PTPRD: variants seen among roughly 807,000 people sequenced by gnomAD.
The protein encoded by PTPRD is protein tyrosine phosphatase receptor type D.
Under a neutral mutation model 214.5 loss-of-function variants are expected in PTPRD, and 34 were observed. The observed-to-expected ratio is 0.16, with a 90% CI of 0.12 to 0.21. The LOEUF is 0.21. Among genes scored for constraint, PTPRD ranks in the 10% least tolerant of loss-of-function variants. The pLI is 1.00. For synonymous variants in PTPRD, 1,128 were observed against 845.7 expected (o/e 1.33, Z -5.79); for missense variants, 2,545 against 2,398.7 (o/e 1.06, Z -1.27).
chr9:10,512,591 G>T (rs1178635924), intron 2 of PTPRD, among the ~76,000 whole-genome samples: 1 of 152,102 alleles, frequency 6.6e-6, no homozygotes, highest in Non-Finnish European at 1.5e-5. Context: ...GAACGCACAA[G>T]TACCTTCATT....
At chr9:9,716,697 G>A (rs2097841484) in intron 7 of PTPRD, among the ~76,000 whole-genome samples, 1 of 152,014 alleles carries the variant, frequency 6.6e-6, no homozygotes. Context: ...TTTTTGATGG[G>A]GTTGTTTTTT....
intron 7 of PTPRD, among the ~76,000 whole-genome samples, chr9:9,613,993 CAAT>C (rs1431061605): frequency 6.6e-6 from 1 of 152,126 alleles, no homozygotes; most frequent in Non-Finnish European, 1.5e-5. Context: ...CGGTCCTCAT[CAAT>C]AATACCTTCT....
intron 11 of PTPRD, among the ~76,000 whole-genome samples, chr9:8,801,149 A>T (rs1221819066): frequency 6.6e-6 from 1 of 152,198 alleles, no homozygotes; most frequent in African/African-American, 2.4e-5. Flanking sequence ...TGATGATGGT[A>T]GTTCAGGAAC....
At chr9:8,680,544 T>C (rs1396579281) in intron 12 of PTPRD, among the ~76,000 whole-genome samples, 3 of 152,202 alleles carry the variant, frequency 2.0e-5, no homozygotes, top group Non-Finnish European at 4.4e-5. Flanking sequence ...CAATTTTATA[T>C]TTATACCTAT....
At chr9:10,049,787 C>G (rs1008430235) in intron 3 of PTPRD, among the ~76,000 whole-genome samples, 1 of 152,116 alleles carries the variant, frequency 6.6e-6, no homozygotes, top group Admixed American at 6.6e-5. Flanking sequence ...CAACTTCATG[C>G]TTGATGAGTA....
chr9:9,802,160 T>C (rs925884301), intron 5 of PTPRD, among the ~76,000 whole-genome samples: 1 of 152,028 alleles, frequency 6.6e-6, no homozygotes, highest in Non-Finnish European at 1.5e-5. Context: ...GGTCCAGGTG[T>C]GAGGTCCAAT....
At chr9:8,818,226 C>A (rs2096963282) in intron 11 of PTPRD, among the ~76,000 whole-genome samples, 1 of 152,046 alleles carries the variant, frequency 6.6e-6, no homozygotes. Context: ...AATTGTATAC[C>A]TCATCCTAAT....
intron 39 of PTPRD, among the ~76,000 whole-genome samples, chr9:8,357,585 G>T (rs777951586): frequency 6.6e-6 from 1 of 152,178 alleles, no homozygotes; most frequent in Non-Finnish European, 1.5e-5. Flanking sequence ...AGAATGTGGT[G>T]AGCAGGGAAG....
chr9:8,332,818 C>T (rs1048933526), intron 43 of PTPRD, among the ~76,000 whole-genome samples: 1 of 152,200 alleles, frequency 6.6e-6, no homozygotes, highest in Admixed American at 6.5e-5. Flanking sequence ...GATCTCATTT[C>T]TCATTTGAAG....
chr9:8,607,574 G>C (rs2095278026), intron 14 of PTPRD, among the ~76,000 whole-genome samples: 1 of 152,064 alleles, frequency 6.6e-6, no homozygotes, highest in African/African-American at 2.4e-5. Flanking sequence ...GCCCGGGAGG[G>C]AGAAGTTGCA....
intron 5 of PTPRD, among the ~76,000 whole-genome samples, chr9:9,895,335 C>T (rs909805381): frequency 2.0e-5 from 3 of 149,254 alleles, no homozygotes; most frequent in African/African-American, 7.7e-5. Flanking sequence ...CTACCAAGGA[C>T]TTTTAAATTG....
chr9:10,561,581 A>C (rs2063976573), intron 2 of PTPRD, among the ~76,000 whole-genome samples: 1 of 152,156 alleles, frequency 6.6e-6, no homozygotes. Flanking sequence ...TAGAGACCAA[A>C]TATAACCCAG....
At chr9:8,490,308 C>T (rs1253155755) in intron 27 of PTPRD, among the ~76,000 whole-genome samples, 2 of 152,130 alleles carry the variant, frequency 1.3e-5, no homozygotes, top group Non-Finnish European at 2.9e-5. Context: ...TAAAAATTTC[C>T]TAGGACTTCA....
At chr9:9,946,340 C>A (rs77594045) in intron 4 of PTPRD, among the ~76,000 whole-genome samples, 3,345 of 152,184 alleles carry the variant, frequency 0.022, 134 homozygotes, top group African/African-American at 0.077. Context: ...ATAAGTATAA[C>A]TGAGAGATGC....
At chr9:9,715,285 C>G (rs141114813) in intron 7 of PTPRD, among the ~76,000 whole-genome samples, 61 of 152,232 alleles carry the variant, frequency 4.0e-4, no homozygotes, top group Non-Finnish European at 7.5e-4. Flanking sequence ...TTTTTCAACT[C>G]TAAATTCTCA....
intron 6 of PTPRD, among the ~76,000 whole-genome samples, chr9:9,757,687 C>T (rs1438124358): frequency 6.6e-6 from 1 of 152,042 alleles, no homozygotes; most frequent in Non-Finnish European, 1.5e-5. Context: ...ACTCAGTTTG[C>T]CTGTCACATA....
chr9:8,968,332 T>G (rs990376477), intron 11 of PTPRD, among the ~76,000 whole-genome samples: 4 of 152,250 alleles, frequency 2.6e-5, no homozygotes, highest in African/African-American at 9.6e-5. Context: ...ATTGCCACAC[T>G]GTCTTCCACA....
chr9:9,769,715 C>A (rs540853822), intron 5 of PTPRD, among the ~76,000 whole-genome samples: 16 of 152,094 alleles, frequency 1.1e-4, no homozygotes, highest in Admixed American at 9.8e-4. Flanking sequence ...ACCCATCAAC[C>A]CATCATCTAC....
intron 8 of PTPRD, among the ~76,000 whole-genome samples, chr9:9,418,272 T>G (rs1166847863): frequency 6.6e-6 from 1 of 152,040 alleles, no homozygotes; most frequent in Non-Finnish European, 1.5e-5. Flanking sequence ...CAACTGGGTT[T>G]TCTGCTTAGG....
Sources: allele counts gnomAD v4.1 joint callset (sites outside exome capture counted in the v4.1 genomes callset), GRCh38; gene constraint gnomAD v4.1.1; transcripts MANE v1.5; gene names NCBI Gene and HGNC (gene_info 2026-07-23, HGNC 2026-07-21).